Variants in DOCK2 observed in about 807,000 individuals in gnomAD.
DOCK2 encodes the protein dedicator of cytokinesis 2, also known as dedicator of cytokinesis protein 2.
Under a neutral mutation model 248.9 loss-of-function variants are expected in DOCK2, and 87 were observed. The observed-to-expected ratio is 0.35, with a 90% CI of 0.29 to 0.42. The LOEUF is 0.42. Ranked by LOEUF, DOCK2 falls within the 10% of genes least tolerant of loss-of-function variation. The probability of loss-of-function intolerance (pLI) is 1.00; values close to 1 mark genes in which losing one functional copy is unlikely to be tolerated. For missense variants in DOCK2, 1,747 were observed against 2,300.2 expected (o/e 0.76, Z 4.92); for synonymous variants, 805 against 821.6 (o/e 0.98, Z 0.35).
chr5:169,803,512 G>A (rs1427725596), intron 26 of DOCK2, among the ~76,000 whole-genome samples: 1 of 152,212 alleles, frequency 6.6e-6, no homozygotes, highest in Non-Finnish European at 1.5e-5. Flanking sequence ...CTAGTTTGCA[G>A]GGGTGGGAGG....
At chr5:170,065,950 A>G (rs1561905828) in intron 44 of DOCK2, among the ~76,000 whole-genome samples, 1 of 134,352 alleles carries the variant, frequency 7.4e-6, no homozygotes, top group Non-Finnish European at 1.6e-5. Flanking sequence ...GCAAATGAAA[A>G]CTGTTTTTTT....
intron 1 of DOCK2, among the ~76,000 whole-genome samples, chr5:169,649,124 T>C (rs1757652149): frequency 6.6e-6 from 1 of 152,244 alleles, no homozygotes; most frequent in African/African-American, 2.4e-5. Context: ...TAGTTCTATT[T>C]CCCCCTGGAG....
chr5:169,690,494 G>A (rs1760233022), intron 9 of DOCK2, among the ~76,000 whole-genome samples: 1 of 152,110 alleles, frequency 6.6e-6, no homozygotes, highest in Non-Finnish European at 1.5e-5. Context: ...GATTAATTTT[G>A]TTATTTTCTT....
At chr5:170,034,204 T>A (rs562437736) in intron 34 of DOCK2, among the ~76,000 whole-genome samples, 195 bp from the exon 35 acceptor site, 5 of 140,972 alleles carry the variant, frequency 3.5e-5, no homozygotes, top group Admixed American at 3.5e-4. Flanking sequence ...TTTATTTTTA[T>A]TTTTTCCCAT....
At chr5:169,900,008 A>G (rs970491617) in intron 27 of DOCK2, among the ~76,000 whole-genome samples, 5 of 152,176 alleles carry the variant, frequency 3.3e-5, no homozygotes, top group African/African-American at 1.2e-4. Flanking sequence ...CAGGGTCTCC[A>G]GCACTCGAAA....
chr5:169,910,043 C>T (rs1379892387), intron 27 of DOCK2, among the ~76,000 whole-genome samples: 1 of 152,086 alleles, frequency 6.6e-6, no homozygotes, highest in African/African-American at 2.4e-5. Flanking sequence ...AACAAATTTG[C>T]CATGAGGACA....
intron 27 of DOCK2, among the ~76,000 whole-genome samples, chr5:169,869,934 G>A (rs1387481528): frequency 6.6e-6 from 1 of 152,206 alleles, no homozygotes; most frequent in African/African-American, 2.4e-5. Context: ...AAGGAAGATA[G>A]GTGCAGAGTG....
chr5:170,057,482 G>A, intron 43 of DOCK2, 98 bp from the exon 44 acceptor site: 1 of 1,017,274 alleles, frequency 9.8e-7, no homozygotes. Context: ...GGGAGGCCCG[G>A]GGACCTGGCT....
chr5:170,020,840 G>A (rs1755695975), intron 33 of DOCK2, among the ~76,000 whole-genome samples: 1 of 152,122 alleles, frequency 6.6e-6, no homozygotes, highest in Non-Finnish European at 1.5e-5. Context: ...CAGGGAAGAG[G>A]GTTTCAAGGT....
chr5:169,956,811 A>G (rs1776884340), intron 27 of DOCK2, among the ~76,000 whole-genome samples: 1 of 152,202 alleles, frequency 6.6e-6, no homozygotes, highest in Non-Finnish European at 1.5e-5. Context: ...GCAGAAAAAT[A>G]AATTCATTTT....
chr5:169,852,541 A>T (rs745664126), intron 27 of DOCK2, among the ~76,000 whole-genome samples: 2 of 152,214 alleles, frequency 1.3e-5, no homozygotes, highest in African/African-American at 2.4e-5. Context: ...GTCTCTTCAC[A>T]GTGCAGATCC....
chr5:169,888,227 G>T (rs772056784), intron 27 of DOCK2, among the ~76,000 whole-genome samples: 1 of 152,068 alleles, frequency 6.6e-6, no homozygotes, highest in Non-Finnish European at 1.5e-5. Flanking sequence ...AATACACCTG[G>T]CTAAAAGCAC....
chr5:169,640,002 A>T (rs1277441753), intron 1 of DOCK2, among the ~76,000 whole-genome samples: 1 of 152,224 alleles, frequency 6.6e-6, no homozygotes, highest in Non-Finnish European at 1.5e-5. Flanking sequence ...TGGTTTGCAG[A>T]TGGCTGTCTT....
chr5:169,962,252 C>T (rs1217049045), intron 27 of DOCK2, among the ~76,000 whole-genome samples: 2 of 151,990 alleles, frequency 1.3e-5, no homozygotes, highest in Admixed American at 6.6e-5. Context: ...AGGGAGACAT[C>T]GTGGTGGACT....
chr5:169,753,776 T>G (rs1437589329), intron 23 of DOCK2, among the ~76,000 whole-genome samples: 5 of 152,184 alleles, frequency 3.3e-5, no homozygotes, highest in Admixed American at 3.3e-4. Context: ...CCTGAGAGAT[T>G]AGTGATGAGA....
intron 27 of DOCK2, among the ~76,000 whole-genome samples, chr5:169,919,300 C>A (rs1438389893): frequency 2.0e-5 from 3 of 152,186 alleles, no homozygotes; most frequent in African/African-American, 4.8e-5. Context: ...CACCCAGTTT[C>A]TTTCTCACTG....
chr5:170,034,109 C>T (rs561458650), intron 34 of DOCK2, among the ~76,000 whole-genome samples: 1 of 152,246 alleles, frequency 6.6e-6, no homozygotes, highest in South Asian at 2.1e-4. Context: ...ATTGCTTCCC[C>T]AAAAAAGTTT....
At chr5:169,824,927 GA>G (rs1221207531) in intron 26 of DOCK2, among the ~76,000 whole-genome samples, 3 of 151,742 alleles carry the variant, frequency 2.0e-5, no homozygotes, top group South Asian at 2.1e-4. Flanking sequence ...AAATTTACAA[GA>G]AAAAAACAAC....
At chr5:170,061,894 C>G (rs972478645) in intron 44 of DOCK2, among the ~76,000 whole-genome samples, 1 of 152,090 alleles carries the variant, frequency 6.6e-6, no homozygotes, top group South Asian at 2.1e-4. Context: ...CCCCTCAGAG[C>G]CCCCCCAGAG....
Sources: gnomAD v4.1 joint callset for allele counts (sites outside exome capture counted in the v4.1 genomes callset) on GRCh38, gnomAD v4.1.1 for gene constraint, MANE v1.5 for transcripts, NCBI Gene and HGNC (gene_info 2026-07-23, HGNC 2026-07-21) for gene names.